OSBPL5: variants seen among roughly 807,000 people sequenced by gnomAD.
OSBPL5 encodes the protein oxysterol-binding protein-related protein 5.
OSBPL5 carries 71 observed loss-of-function variants against 111.2 expected under a neutral mutation model. The ratio of observed to expected loss-of-function variants is 0.64; its 90% CI spans 0.53 to 0.78. The LOEUF (loss-of-function observed/expected upper bound fraction) is 0.78, where lower values mean the gene tolerates loss of function less well. OSBPL5 is among the 30% of genes least tolerant of loss of function. The pLI is 0.00. For synonymous variants in OSBPL5, 549 were observed against 513.9 expected (o/e 1.07, Z -0.93); for missense variants, 1,210 against 1,189.3 (o/e 1.02, Z -0.26).
At position 3,142,067 on chromosome 11, in the gene OSBPL5, G is replaced by A. The variant is rs934251679; in HGVS notation, c.-21-12898C>T. ...TGCTGGGACTACAGGCACCTGCCACGATGACCGGCTAAAATTTTTTTGTAT... is the reference window on the plus strand; with the variant it reads ...TGCTGGGACTACAGGCACCTGCCACAATGACCGGCTAAAATTTTTTTGTAT... On this transcript the variant is annotated intron_variant, in intron 1 of 21. Transcript: ENST00000263650. The surrounding 1 kb of genome is among the most constrained non-coding windows in gnomAD (Gnocchi z 7.1). Among the ~76,000 whole-genome samples, 3 of 152,118 alleles carry A rather than the reference G, an allele frequency of 2.0e-5. No homozygotes were observed. The highest frequency in any genetic ancestry group is 6.5e-5 in the Admixed American group (1 of 15,268).
At position 3,107,919 on chromosome 11, in the gene OSBPL5, G is replaced by A. The variant is rs200327171; in HGVS notation, c.718C>T (p.Leu240=). ...DGRCWLDALE[L]ALRCSSLLRL... is the part of the protein sequence containing the mutation. ...AGTAGGCTAGAGCAGCGCAGGGCCA[G>A]CTCCAGGGCGTCCAGCCAGCAGCGA... Residue 240 remains leucine (L), a synonymous_variant, in exon 8 of 22, where the codon CTG becomes TTG. Coordinates refer to ENST00000263650, the MANE Select transcript of OSBPL5 (RefSeq NM_020896.4). This position sits in a 1 kb window ranked among gnomAD's most constrained non-coding sequence, Gnocchi z 6.1. The A allele has an allele frequency of 6.2e-7, 1 of 1,601,114 alleles. No homozygotes were observed. The highest frequency in any genetic ancestry group is 1.3e-5 in the African/African-American group (1 of 75,056).
chr11:3,092,958 C>T lies in OSBPL5; in HGVS notation c.2041G>A (p.Ala681Thr). 6.3e-7 allele frequency: 1 copy of T among 1,592,136 alleles called. No homozygotes were observed. Among genetic ancestry groups the T allele is most frequent in the African/African-American group, 1.3e-5 (1 of 74,876 alleles). ...FALEEAQRQRARERQESLMPW... is the reference protein window; with the variant it reads ...FALEEAQRQRTRERQESLMPW... The stretch of plus-strand genomic sequence containing the variant: ...ATGAGGCTCTCCTGCCGCTCACGGG[C>T]CCGCTGCCGCTGTGCCTCCTCCAGT... Residue 681 changes from alanine to threonine, a missense_variant, in exon 18 of 22, where the codon GCC (alanine) becomes ACC (threonine). Coordinates refer to ENST00000263650, the MANE Select transcript of OSBPL5 (RefSeq NM_020896.4). This position sits in a 1 kb window ranked among gnomAD's most constrained non-coding sequence, Gnocchi z 5.4.
At chr11:3,108,818 G>A (rs1857803844) in intron 7 of OSBPL5, among the ~76,000 whole-genome samples, 1 of 152,220 alleles carries the variant, frequency 6.6e-6, no homozygotes. Flanking sequence ...GCCCAGGTGG[G>A]AGCACAATGG....
At chr11:3,119,410 TC>T in intron 7 of OSBPL5, 136 bp downstream of exon 7, 2 of 835,102 alleles carry the variant, frequency 2.4e-6, no homozygotes, top group Non-Finnish European at 3.5e-6. Flanking sequence ...GCCGGGCTCA[TC>T]CTGGCCAGAC....
At chr11:3,096,007 G>A (rs576549650) in intron 14 of OSBPL5, among the ~76,000 whole-genome samples, 3 of 151,854 alleles carry the variant, frequency 2.0e-5, no homozygotes, top group African/African-American at 4.8e-5. Flanking sequence ...AAATCAATTC[G>A]TGGTTTATAG....
chr11:3,152,800 A>AT (rs982705724), intron 1 of OSBPL5, among the ~76,000 whole-genome samples: 1 of 152,218 alleles, frequency 6.6e-6, no homozygotes, highest in African/African-American at 2.4e-5. Context: ...AAACAGAAGA[A>AT]TGAAGAACAC....
At chr11:3,096,878 A>G (rs896647634) in intron 14 of OSBPL5, among the ~76,000 whole-genome samples, 6 of 142,172 alleles carry the variant, frequency 4.2e-5, no homozygotes, top group African/African-American at 1.6e-4. Context: ...AGCATGCAAG[A>G]AAAGATGGGA....
In OSBPL5 at chr11:3,130,407, G is replaced by T. The variant is rs938553234; in HGVS notation, c.-21-1238C>A. ...TTCTCCCATGGTCCTGGGCTTTGCTGGGGGGGGCCTCAGACACACAGAGAC... is the reference window on the plus strand; with the variant it reads ...TTCTCCCATGGTCCTGGGCTTTGCTTGGGGGGGCCTCAGACACACAGAGAC... On this transcript the variant is annotated intron_variant, in intron 1 of 21. Coordinates refer to ENST00000263650, the MANE Select transcript of OSBPL5 (RefSeq NM_020896.4). The surrounding 1 kb of genome is among the most constrained non-coding windows in gnomAD (Gnocchi z 4.5). Among the ~76,000 whole-genome samples, 11 of 122,540 alleles carry T rather than the reference G, an allele frequency of 9.0e-5. No individual in the cohort carries two copies. The highest frequency in any genetic ancestry group is 1.7e-4 in the Non-Finnish European group (9 of 51,786). 80.4% of individuals were successfully genotyped at this position (122,540 alleles called of 152,430 possible).
rs371907970 is a variant in OSBPL5, at chr11:3,116,854, C to CAAA, written c.691+2690_691+2692dup. ...TGGGCAACAGAGTGAGACTCCATCA[C>CAAA]AAAAAAAAAAAAAAAAAAGAAGTGT... On this transcript the variant is annotated intron_variant, in intron 7 of 21. Coordinates refer to ENST00000263650, the MANE Select transcript of OSBPL5 (RefSeq NM_020896.4). Among the ~76,000 whole-genome samples the CAAA allele has an allele frequency of 1.6e-3, 120 of 75,436 alleles. 1 individual carries two copies. The highest frequency in any genetic ancestry group is 3.1e-3 in the South Asian group (6 of 1,932). The allele number at this position is 75,436 out of a possible 152,430, so 49.5% of individuals were successfully genotyped here. A position where few individuals can be genotyped will look rare whatever the true frequency, so the allele number is the denominator to read the frequency against.
intron 7 of OSBPL5, among the ~76,000 whole-genome samples, chr11:3,114,599 T>C (rs1202991156): frequency 3.6e-5 from 5 of 139,828 alleles, no homozygotes; most frequent in Non-Finnish European, 6.2e-5. Flanking sequence ...TGATTTTTTT[T>C]TTTTTTTTTT....
In OSBPL5 at chr11:3,113,974, C is replaced by A. The variant is rs2134442558; in HGVS notation, c.691+5573G>T. 6.6e-6 allele frequency among the ~76,000 whole-genome samples: 1 copy of A among 152,222 alleles called. No individual in the cohort carries two copies. The highest frequency in any genetic ancestry group is 1.9e-4 in the East Asian group (1 of 5,190). On this transcript the variant is annotated intron_variant, in intron 7 of 21. Coordinates refer to ENST00000263650, the MANE Select transcript of OSBPL5 (RefSeq NM_020896.4). The surrounding 1 kb of genome is among the most constrained non-coding windows in gnomAD (Gnocchi z 4.8). ...TCCATAATTTAAATAATGACAATTGCAGTTTTTATAAATAATCTAGGTAAA... is the reference window on the plus strand; with the variant it reads ...TCCATAATTTAAATAATGACAATTGAAGTTTTTATAAATAATCTAGGTAAA...
chr11:3,123,935 G>C (rs1298947744), intron 3 of OSBPL5, among the ~76,000 whole-genome samples: 1 of 152,238 alleles, frequency 6.6e-6, no homozygotes, highest in Non-Finnish European at 1.5e-5. Context: ...GCAGCACTGG[G>C]CACCAGGCTT....
chr11:3,103,369 C>T (rs1197032368), intron 10 of OSBPL5, 49 bp from the exon 11 acceptor site: 1 of 1,521,866 alleles, frequency 6.6e-7, no homozygotes, highest in Non-Finnish European at 8.9e-7. Context: ...GGCCGTGGGC[C>T]ACCCTCCCTT....
chr11:3,102,794 T>C (rs1857502901), intron 11 of OSBPL5, among the ~76,000 whole-genome samples: 1 of 152,180 alleles, frequency 6.6e-6, no homozygotes, highest in Non-Finnish European at 1.5e-5. Context: ...GCCCTCTTGC[T>C]CACTACAACG....
rs1412184606 is a variant in OSBPL5 at position 3,129,171 on chromosome 11, T to TGGAA, written c.-21-6_-21-3dup. 15 of 1,379,600 alleles carry TGGAA rather than the reference T, an allele frequency of 1.1e-5. No individual in the cohort carries two copies. The highest frequency in any genetic ancestry group is 1.4e-5 in the Non-Finnish European group (15 of 1,058,434). The allele number at this position is 1,379,600 out of a possible 1,614,324, so 85.5% of individuals were successfully genotyped here. On this transcript the variant is annotated splice_polypyrimidine_tract_variant and splice_region_variant and intron_variant, in intron 1 of 21. Transcript: ENST00000263650. ...CATGCTGTGGGCGCTCGGGGGCTTCTGGAAGGAAGGAAGGAGGGGCAGCAG... is the reference window on the plus strand; with the variant it reads ...CATGCTGTGGGCGCTCGGGGGCTTCTGGAAGGAAGGAAGGAAGGAGGGGCAGCAG...
Position 3,109,385 on chromosome 11 carries a change from GT to G in OSBPL5, c.692-1441del. Among the ~76,000 whole-genome samples, 1 of 152,280 alleles carries G rather than the reference GT, an allele frequency of 6.6e-6. No homozygotes were observed. The highest frequency in any genetic ancestry group is 3.4e-3 in the Middle Eastern group (1 of 294). On this transcript the variant is annotated intron_variant, in intron 7 of 21. Coordinates refer to ENST00000263650, the MANE Select transcript of OSBPL5 (RefSeq NM_020896.4). The surrounding 1 kb of genome is among the most constrained non-coding windows in gnomAD (Gnocchi z 7.4). ...GCCACTGTGCCTGGGCTGTTAGTAA[GT>G]GTTATTCAAAGAAAGCCTCCTGGGG... is the stretch of plus-strand genomic sequence containing the variant.
intron 1 of OSBPL5, among the ~76,000 whole-genome samples, chr11:3,147,028 G>A (rs964080785): frequency 1.3e-5 from 2 of 152,144 alleles, no homozygotes; most frequent in Non-Finnish European, 2.9e-5. Flanking sequence ...TGGGTGGGCC[G>A]AGGCCCCAGC....
chr11:3,118,143 A>G (rs111708982), intron 7 of OSBPL5, among the ~76,000 whole-genome samples: 2,504 of 152,328 alleles, frequency 0.016, 76 homozygotes, highest in African/African-American at 0.057. Context: ...CTTTCTCCAA[A>G]AGATTTTTAA....
In OSBPL5 at chr11:3,113,636, T is replaced by G. The variant is rs994107814; in HGVS notation, c.692-5691A>C. 6.7e-6 allele frequency among the ~76,000 whole-genome samples: 1 copy of G among 149,748 alleles called. No homozygotes were observed. The highest frequency in any genetic ancestry group is 6.8e-5 in the Admixed American group (1 of 14,784). On this transcript the variant is annotated intron_variant, in intron 7 of 21. Coordinates refer to ENST00000263650, the MANE Select transcript of OSBPL5 (RefSeq NM_020896.4). The surrounding 1 kb of genome is among the most constrained non-coding windows in gnomAD (Gnocchi z 4.8). Reference sequence around the variant, plus strand: ...ACCACTGCACTCCAGCCTGGGAGACTAGAGCAAGACTCCGTCTCAAAAAAA... The same window carrying G: ...ACCACTGCACTCCAGCCTGGGAGACGAGAGCAAGACTCCGTCTCAAAAAAA...
Sources: gnomAD v4.1 joint callset for allele counts (sites outside exome capture counted in the v4.1 genomes callset) on GRCh38, gnomAD v4.1.1 for gene constraint, Gnocchi (gnomAD v3.1) non-coding constraint, MANE v1.5 for transcripts, NCBI Gene and HGNC (gene_info 2026-07-23, HGNC 2026-07-21) for gene names.